COL9A1: variants seen among roughly 807,000 people sequenced by gnomAD.
COL9A1 encodes the protein collagen type IX alpha 1 chain, also known as collagen alpha-1(IX) chain.
COL9A1 carries 104 observed loss-of-function variants against 142.6 expected under a neutral mutation model. That is an observed-to-expected ratio of 0.73 (90% confidence interval 0.62 to 0.86). The LOEUF (loss-of-function observed/expected upper bound fraction) is 0.86, where lower values mean the gene tolerates loss of function less well. Ranked by LOEUF, COL9A1 falls within the 40% of genes least tolerant of loss-of-function variation. The probability of loss-of-function intolerance (pLI) is 0.00; values close to 1 mark genes in which losing one functional copy is unlikely to be tolerated. For synonymous variants in COL9A1, 466 were observed against 396.0 expected (o/e 1.18, Z -2.10); for missense variants, 1,210 against 1,176.6 (o/e 1.03, Z -0.42).
chr6:70,301,295 G>T (rs766310653), intron 2 of COL9A1, among the ~76,000 whole-genome samples: 1 of 152,184 alleles, frequency 6.6e-6, no homozygotes, highest in Non-Finnish European at 1.5e-5. Flanking sequence ...CAAAGCATAG[G>T]CCCGGCGCTG....
chr6:70,292,505 G>A (rs1365196770), intron 5 of COL9A1, among the ~76,000 whole-genome samples: 2 of 152,144 alleles, frequency 1.3e-5, no homozygotes, highest in African/African-American at 4.8e-5. Context: ...TGAGAATAGA[G>A]TTGGCAGAAA....
At position 70,291,635 on chromosome 6, in the gene COL9A1, A is replaced by C. The variant is rs556978698; in HGVS notation, c.696+2532T>G. On this transcript the variant is annotated intron_variant, in intron 5 of 37. Transcript: ENST00000357250. ...CTAGGTAAATAAGCAAGTTGGATTA[A>C]TGTCTGAAGACATGTTTTATACTGT... 6.6e-5 allele frequency among the ~76,000 whole-genome samples: 10 copies of C among 152,300 alleles called. No individual in the cohort carries two copies. In the South Asian group the frequency reaches 2.1e-3, roughly 32 times the overall value.
rs2127557612 is a variant in COL9A1, at chr6:70,232,638, A to G, written c.2448T>C (p.Arg816=). ...GGGGCCCCTTAATGCCCGGAAGGCCACGAATTCCCATCTGGCCTGGGAAAC... is the reference window on the plus strand; with the variant it reads ...GGGGCCCCTTAATGCCCGGAAGGCCGCGAATTCCCATCTGGCCTGGGAAAC... ...ENGFPGQMGI[R]GLPGIKGPPG... Residue 816 remains arginine, a synonymous_variant, in exon 36 of 38, where the codon CGT becomes CGC. Transcript: ENST00000357250. 3 of 1,614,114 alleles carry G rather than the reference A, an allele frequency of 1.9e-6. No homozygotes were observed. Among genetic ancestry groups the G allele is most frequent in the Non-Finnish European group, 2.5e-6 (3 of 1,180,026 alleles).
intron 1 of COL9A1, among the ~76,000 whole-genome samples, chr6:70,302,297 C>A (rs532130154): frequency 2.0e-4 from 30 of 150,018 alleles, no homozygotes; most frequent in Admixed American, 1.6e-3. Context: ...GCAACCTCCA[C>A]CTCCTGGGTT....
chr6:70,302,835 G>T (rs376881795), intron 1 of COL9A1, 76 bp downstream of exon 1: 1 of 1,518,042 alleles, frequency 6.6e-7, no homozygotes, highest in East Asian at 2.3e-5. Context: ...TACCACTGCT[G>T]CAAAAATACA....
chr6:70,264,542 C>T (rs1407199609), intron 18 of COL9A1, among the ~76,000 whole-genome samples: 1 of 151,996 alleles, frequency 6.6e-6, no homozygotes, highest in Non-Finnish European at 1.5e-5. Context: ...TTAAATTCTA[C>T]TTCTATTTCC....
At chr6:70,274,192 T>C in intron 11 of COL9A1, 110 bp from the exon 12 acceptor site, 1 of 829,914 alleles carries the variant, frequency 1.2e-6, no homozygotes. Flanking sequence ...GGTGTTTTTT[T>C]TTTTTAAATT....
rs183615777 is a variant in COL9A1 at position 70,291,508 on chromosome 6, T to C, written c.696+2659A>G. ...TCCTTATCATGCTATATTGTGATGA[T>C]TGTTTACTTGTCTCAACTCCTTGTT... On this transcript the variant is annotated intron_variant, in intron 5 of 37. Coordinates refer to ENST00000357250, the MANE Select transcript of COL9A1 (RefSeq NM_001851.6). 2.3e-3 allele frequency among the ~76,000 whole-genome samples: 348 copies of C among 152,274 alleles called. 1 individual carries two copies. The highest frequency in any genetic ancestry group is 0.017 in the South Asian group (84 of 4,826).
At chr6:70,284,667 G>T (rs1231889294) in intron 5 of COL9A1, among the ~76,000 whole-genome samples, 4 of 152,138 alleles carry the variant, frequency 2.6e-5, no homozygotes, top group African/African-American at 9.7e-5. Context: ...AAATTAAAAT[G>T]TCATATCCCA....
chr6:70,236,872 A>C (rs187088557), intron 33 of COL9A1, among the ~76,000 whole-genome samples: 1 of 150,126 alleles, frequency 6.7e-6, no homozygotes, highest in Non-Finnish European at 1.5e-5. Flanking sequence ...CCCAGGCTGG[A>C]GTGCAATGGC....
At chr6:70,288,046 G>C (rs575996826) in intron 5 of COL9A1, among the ~76,000 whole-genome samples, 12 of 152,120 alleles carry the variant, frequency 7.9e-5, no homozygotes, top group African/African-American at 2.7e-4. Context: ...CCTATCTGTT[G>C]AACTCCGAAA....
At chr6:70,225,200 C>T (rs911448000) in intron 37 of COL9A1, among the ~76,000 whole-genome samples, 2 of 152,164 alleles carry the variant, frequency 1.3e-5, no homozygotes, top group Non-Finnish European at 2.9e-5. Context: ...CATTCATGCC[C>T]TTAAACTGAA....
intron 36 of COL9A1, among the ~76,000 whole-genome samples, chr6:70,228,287 T>C (rs909071919): frequency 1.3e-5 from 2 of 152,050 alleles, no homozygotes; most frequent in Admixed American, 6.6e-5. Context: ...CAGAACAAAG[T>C]TGCATTAATT....
chr6:70,283,161 A>AC (rs1249000300), intron 6 of COL9A1: 1 of 1,510,306 alleles, frequency 6.6e-7, no homozygotes, highest in Non-Finnish European at 8.8e-7. Context: ...CAGAAAAAGC[A>AC]CCCCCGGGAG....
chr6:70,237,015 G>T (rs1430097426), intron 33 of COL9A1, among the ~76,000 whole-genome samples: 1 of 152,092 alleles, frequency 6.6e-6, no homozygotes, highest in African/African-American at 2.4e-5. Flanking sequence ...TAAAGATGAG[G>T]TTTCTCCATG....
At chr6:70,290,540 C>G (rs1459613674) in intron 5 of COL9A1, among the ~76,000 whole-genome samples, 1 of 152,032 alleles carries the variant, frequency 6.6e-6, no homozygotes, top group African/African-American at 2.4e-5. Context: ...TATGAAAACC[C>G]TTTGAAATTG....
At chr6:70,301,265 A>G (rs888222698) in intron 2 of COL9A1, among the ~76,000 whole-genome samples, 6 of 152,216 alleles carry the variant, frequency 3.9e-5, no homozygotes, top group East Asian at 1.9e-4. Flanking sequence ...CTAGACTTCA[A>G]AAAAAGTATT....
intron 32 of COL9A1, among the ~76,000 whole-genome samples, 162 bp from the exon 33 acceptor site, chr6:70,239,448 T>C (rs1031380742): frequency 6.6e-6 from 1 of 152,210 alleles, no homozygotes; most frequent in Non-Finnish European, 1.5e-5. Context: ...GATTCTAATC[T>C]CAGTTCTACT....
At chr6:70,242,606 T>G in intron 29 of COL9A1, 56 bp downstream of exon 29, 9 of 1,468,512 alleles carry the variant, frequency 6.1e-6, no homozygotes, top group Non-Finnish European at 8.6e-6. Flanking sequence ...TCTTGCTTAT[T>G]TTTAAAAATG....
Sources: allele counts gnomAD v4.1 joint callset (sites outside exome capture counted in the v4.1 genomes callset), GRCh38; gene constraint gnomAD v4.1.1; transcripts MANE v1.5; gene names NCBI Gene and HGNC (gene_info 2026-07-23, HGNC 2026-07-21).